Variants in SOX6 observed in about 807,000 individuals in gnomAD.
The protein encoded by SOX6 is transcription factor SOX-6.
In SOX6, 11 loss-of-function variants were observed where a neutral mutation model predicts 97.8. The observed-to-expected ratio is 0.11, with a 90% CI of 0.07 to 0.19. SOX6 has a LOEUF of 0.19. Among genes scored for constraint, SOX6 ranks in the 10% least tolerant of loss-of-function variants. The pLI, the probability that SOX6 is intolerant of heterozygous loss-of-function variation, is 1.00. For synonymous variants in SOX6, 360 were observed against 371.4 expected, an observed-to-expected ratio of 0.97 and a Z score of 0.35; for missense variants, 810 against 1,039.5, an observed-to-expected ratio of 0.78 and a Z score of 3.04.
At chr11:16,207,353 A>G (rs1852099347) in intron 4 of SOX6, among the ~76,000 whole-genome samples, 1 of 152,210 alleles carries the variant, frequency 6.6e-6, no homozygotes, top group South Asian at 2.1e-4. Flanking sequence ...CTGTAATCCT[A>G]GCACTTTGGG....
chr11:16,604,627 C>G (rs1325359910), intron 4 of SOX6, among the ~76,000 whole-genome samples: 1 of 152,192 alleles, frequency 6.6e-6, no homozygotes, highest in East Asian at 1.9e-4. Flanking sequence ...CGGCTTCGGG[C>G]CACCTCTAGC....
At chr11:16,495,997 ATACAGAGACTACACAAATGCATG>A (rs1036436609) in intron 4 of SOX6, among the ~76,000 whole-genome samples, 3 of 152,168 alleles carry the variant, frequency 2.0e-5, no homozygotes, top group African/African-American at 7.2e-5. Context: ...CAAAGAAATC[ATACAGAGACTACACAAATGCATG>A]TACCCAGGAT....
chr11:16,095,287 G>A (rs1848769454), intron 9 of SOX6, among the ~76,000 whole-genome samples: 1 of 151,832 alleles, frequency 6.6e-6, no homozygotes, highest in Non-Finnish European at 1.5e-5. Flanking sequence ...TGAAATTGGA[G>A]AGAGAAGGAC....
chr11:16,343,414 A>G (rs1258426807), intron 1 of SOX6, among the ~76,000 whole-genome samples: 1 of 151,902 alleles, frequency 6.6e-6, no homozygotes, highest in African/African-American at 2.4e-5. Context: ...AGCAATGTCT[A>G]TGATTGTTGC....
chr11:15,976,627 T>C (rs1316132664), intron 15 of SOX6, among the ~76,000 whole-genome samples: 1 of 152,066 alleles, frequency 6.6e-6, no homozygotes, highest in Non-Finnish European at 1.5e-5. Flanking sequence ...TGTAAAACAA[T>C]ACTCTGGTTC....
At chr11:16,183,340 G>C (rs1565004164) in intron 6 of SOX6, among the ~76,000 whole-genome samples, 2 of 150,988 alleles carry the variant, frequency 1.3e-5, no homozygotes, top group African/African-American at 4.9e-5. Context: ...TCAGGAACAA[G>C]TTTTTCTTCC....
At chr11:16,056,033 G>A (rs1847807885) in intron 9 of SOX6, 132 bp from the exon 10 acceptor site, 6 of 1,015,312 alleles carry the variant, frequency 5.9e-6, no homozygotes, top group Admixed American at 2.3e-5. Flanking sequence ...TTTAAAAAAG[G>A]AAGCTAAGAG....
rs10611823 is a variant in SOX6, at chr11:16,449,277, C to CTTTTTTT, written c.-5+27031_-5+27037dup. Among the ~76,000 whole-genome samples, 392 of 62,950 alleles carry CTTTTTTT rather than the reference C, an allele frequency of 6.2e-3. 73 individuals are homozygous for CTTTTTTT. Among genetic ancestry groups the CTTTTTTT allele is most frequent in the African/African-American group, 0.023 (320 of 13,968 alleles). 41.3% of individuals were successfully genotyped at this position (62,950 alleles called of 152,430 possible). A position where few individuals can be genotyped will look rare whatever the true frequency, so the allele number is the denominator to read the frequency against. ...AGTGTAAAATTATAAAATGCTCCTT[C>CTTTTTTT]TTTTTTTTTTTTTTTTTTTTTTTTT... On this transcript the variant is annotated intron_variant, in intron 1 of 15. Transcript: ENST00000396356.
At chr11:16,132,495 A>AGAAAGAAAGAAG (rs1849840889) in intron 6 of SOX6, among the ~76,000 whole-genome samples, 1 of 150,232 alleles carries the variant, frequency 6.7e-6, no homozygotes, top group East Asian at 2.0e-4. Context: ...AAAGAAAGAA[A>AGAAAGAAAGAAG]GAAAGAAAGA....
intron 4 of SOX6, among the ~76,000 whole-genome samples, chr11:16,525,163 C>T (rs1005626501): frequency 5.9e-5 from 9 of 152,204 alleles, no homozygotes; most frequent in Non-Finnish European, 7.4e-5. Context: ...AAAAAGAGCC[C>T]GCATTGCCAA....
At chr11:16,416,580 G>T (rs976784385) in intron 1 of SOX6, among the ~76,000 whole-genome samples, 2 of 152,124 alleles carry the variant, frequency 1.3e-5, no homozygotes, top group Admixed American at 6.6e-5. Context: ...CATTTCAACA[G>T]GTTGCCAGCT....
chr11:16,687,538 T>C (rs1228428381), intron 3 of SOX6, among the ~76,000 whole-genome samples: 1 of 152,148 alleles, frequency 6.6e-6, no homozygotes, highest in Non-Finnish European at 1.5e-5. Flanking sequence ...CCTCCCAAAG[T>C]GCTCCCAAAG....
chr11:16,727,154 G>A (rs570965983), intron 2 of SOX6, among the ~76,000 whole-genome samples: 1 of 148,260 alleles, frequency 6.7e-6, no homozygotes, highest in East Asian at 1.9e-4. Context: ...CTCCAACCAT[G>A]GAGTCTACAA....
chr11:16,685,642 T>C (rs534750219), intron 3 of SOX6, among the ~76,000 whole-genome samples: 2 of 152,368 alleles, frequency 1.3e-5, no homozygotes, highest in Admixed American at 1.3e-4. Context: ...ACAGCTGCTC[T>C]CATGCACTAG....
chr11:16,734,238 C>G (rs1196774711), intron 2 of SOX6, among the ~76,000 whole-genome samples: 1 of 152,024 alleles, frequency 6.6e-6, no homozygotes, highest in East Asian at 1.9e-4. Context: ...TGGGAGTTAC[C>G]CAATCATCAA....
At chr11:16,484,401 C>G in intron 4 of SOX6, 1 of 791,312 alleles carries the variant, frequency 1.3e-6, no homozygotes, top group South Asian at 1.3e-5. Flanking sequence ...TGGCAGGCTC[C>G]TTTAACCAGG....
At chr11:16,709,531 G>A (rs1320417997) in intron 3 of SOX6, among the ~76,000 whole-genome samples, 1 of 151,878 alleles carries the variant, frequency 6.6e-6, no homozygotes, top group African/African-American at 2.4e-5. Flanking sequence ...AAAAAAAGAA[G>A]TGTGTGGCAC....
intron 6 of SOX6, among the ~76,000 whole-genome samples, chr11:16,152,891 G>C (rs1254344387): frequency 6.6e-6 from 1 of 151,622 alleles, no homozygotes; most frequent in African/African-American, 2.4e-5. Flanking sequence ...TGTTTGAAAT[G>C]GAGTCTTGTT....
chr11:16,103,170 C>A (rs373558705), intron 7 of SOX6, among the ~76,000 whole-genome samples: 1 of 150,282 alleles, frequency 6.7e-6, no homozygotes, highest in Non-Finnish European at 1.5e-5. Flanking sequence ...GAACTCAAAT[C>A]GCAAGAAAAA....
Sources: gnomAD v4.1 joint callset for allele counts (sites outside exome capture counted in the v4.1 genomes callset) on GRCh38, gnomAD v4.1.1 for gene constraint, MANE v1.5 for transcripts, NCBI Gene and HGNC (gene_info 2026-07-23, HGNC 2026-07-21) for gene names.